Variants in HTR6 observed in about 807,000 individuals in gnomAD.
The protein encoded by HTR6 is 5-hydroxytryptamine (serotonin) receptor 6, G protein-coupled.
A neutral mutation model predicts 17.4 loss-of-function variants in HTR6; 15 were observed. The observed-to-expected ratio is 0.86, with a 90% CI of 0.58 to 1.33. The LOEUF (loss-of-function observed/expected upper bound fraction) is 1.33, where lower values mean the gene tolerates loss of function less well. HTR6 is among the 40% of genes most tolerant of loss of function. HTR6 has a pLI of 0.00. For missense variants in HTR6, 578 were observed against 616.0 expected (o/e 0.94, Z 0.65); for synonymous variants, 326 against 295.5 (o/e 1.10, Z -1.06).
chr1:19,675,867 T>C (rs1264147363), intron 1 of HTR6, among the ~76,000 whole-genome samples: 2 of 152,178 alleles, frequency 1.3e-5, no homozygotes, highest in East Asian at 1.9e-4. Flanking sequence ...AAAAGCCATA[T>C]AGAGTCCACT....
chr1:19,668,749 T>A (rs36070236), intron 1 of HTR6, among the ~76,000 whole-genome samples: 24,066 of 152,196 alleles, frequency 0.16, 2,005 homozygotes, highest in East Asian at 0.22. Flanking sequence ...CTCTTTTATA[T>A]TTTTACTTCC....
intron 1 of HTR6, among the ~76,000 whole-genome samples, chr1:19,672,624 T>C (rs2095089584): frequency 1.3e-5 from 2 of 152,200 alleles, no homozygotes; most frequent in Admixed American, 1.3e-4. Flanking sequence ...CTGGACGATC[T>C]TGGGCAAGGC....
chr1:19,678,885 C>T (rs1393047212), intron 2 of HTR6, 34 bp from the exon 3 acceptor site: 1 of 1,567,316 alleles, frequency 6.4e-7, no homozygotes, highest in East Asian at 2.3e-5. Flanking sequence ...GGTCCCTGCC[C>T]TGGGACCAGG....
chr1:19,673,613 G>T (rs989404220), intron 1 of HTR6, among the ~76,000 whole-genome samples: 1 of 152,160 alleles, frequency 6.6e-6, no homozygotes, highest in Non-Finnish European at 1.5e-5. Context: ...CAGGAGAATC[G>T]CTTGAACCCG....
chr1:19,669,475 G>T (rs1192184197), intron 1 of HTR6, among the ~76,000 whole-genome samples: 8 of 152,188 alleles, frequency 5.3e-5, no homozygotes, highest in Non-Finnish European at 1.2e-4. Flanking sequence ...TTGCACAGTT[G>T]GTAAGTGAGG....
chr1:19,667,550 G>A (rs1344761662), intron 1 of HTR6, among the ~76,000 whole-genome samples: 2 of 152,032 alleles, frequency 1.3e-5, no homozygotes. Context: ...TGAGTAGCTG[G>A]GATTACAGGC....
chr1:19,668,508 C>G (rs1291248618), intron 1 of HTR6, among the ~76,000 whole-genome samples: 2 of 152,214 alleles, frequency 1.3e-5, no homozygotes, highest in Non-Finnish European at 2.9e-5. Flanking sequence ...AAGCTTCAGG[C>G]ATTCAAGAAC....
Position 19,665,881 on chromosome 1 carries a change from C to T in HTR6, c.128C>T (p.Ala43Val), listed in dbSNP as rs142960547. The part of the protein sequence containing the change: ...LCVVIALTAA[A>V]NSLLIALICT... ...GTGGTCATCGCGCTGACGGCGGCGG[C>T]CAACTCGCTGCTGATCGCGCTCATC... Residue 43 changes from alanine to valine, a missense_variant, in exon 1 of 3, where the codon GCC (alanine) becomes GTC (valine). By Grantham distance (64) the Ala-to-Val change is moderately conservative (BLOSUM62 0). Coordinates refer to ENST00000289753, the MANE Select transcript of HTR6 (RefSeq NM_000871.3). The surrounding 1 kb of genome is among the most constrained non-coding windows in gnomAD (Gnocchi z 4.2). The T allele has an allele frequency of 2.7e-5, 43 of 1,607,280 alleles. No homozygotes were observed. The African/African-American group carries it at 4.4e-4, about 16-fold the overall frequency.
rs531916500 is a variant in HTR6, at chr1:19,677,943, T to C, written c.715-624T>C. Among the ~76,000 whole-genome samples, 71 of 152,352 alleles carry C rather than the reference T, an allele frequency of 4.7e-4. 2 individuals are homozygous for C. In the South Asian group the frequency reaches 0.012, roughly 26 times the overall value. ...TTAGTAGAGGCAAGGTTTCACCCTGTTGGCCAGGCTGGTCTCAAACTCCTG... is the reference window on the plus strand; with the variant it reads ...TTAGTAGAGGCAAGGTTTCACCCTGCTGGCCAGGCTGGTCTCAAACTCCTG... On this transcript the variant is annotated intron_variant, in intron 1 of 2. Transcript: ENST00000289753.
At chr1:19,674,885 C>T (rs563526707) in intron 1 of HTR6, among the ~76,000 whole-genome samples, 275 of 152,310 alleles carry the variant, frequency 1.8e-3, no homozygotes, top group African/African-American at 6.1e-3. Context: ...AGGAAGCTGC[C>T]CTCTGACACT....
At position 19,666,020 on chromosome 1, in the gene HTR6, C is replaced by T. The variant is rs1805054; in HGVS notation, c.267C>T (p.Tyr89=). 226,304 of 1,613,676 alleles carry T rather than the reference C, an allele frequency of 0.14. 16,930 individuals are homozygous for T. Among genetic ancestry groups the T allele is most frequent in the East Asian group, 0.26 (11,543 of 44,858 alleles). ...CGCCGGCCATGCTGAACGCGCTGTA[C>T]GGGCGCTGGGTGCTGGCGCGCGGCC... ...VMPPAMLNAL[Y]GRWVLARGLC... Residue 89 remains tyrosine (Y), a synonymous_variant, in exon 1 of 3, where the codon TAC becomes TAT. Coordinates refer to ENST00000289753, the MANE Select transcript of HTR6 (RefSeq NM_000871.3). The surrounding 1 kb of genome is among the most constrained non-coding windows in gnomAD (Gnocchi z 4.5).
chr1:19,676,025 C>T (rs9659997), intron 1 of HTR6, among the ~76,000 whole-genome samples: 84,979 of 151,790 alleles, frequency 0.56, 24,574 homozygotes, highest in Non-Finnish European at 0.64. Context: ...TGAGCCGCAG[C>T]GTGGTGACTC....
rs1049803473 is a variant in HTR6 at position 19,674,107 on chromosome 1, A to G, written c.715-4460A>G. On this transcript the variant is annotated intron_variant, in intron 1 of 2. Transcript: ENST00000289753. The stretch of plus-strand genomic sequence containing the variant: ...GGTCTTGAACTCCTGGACTCAAGCA[A>G]TCCACCTGCCTCGGCCTCCCAAAGT... Among the ~76,000 whole-genome samples, 7 of 152,194 alleles carry G rather than the reference A, an allele frequency of 4.6e-5. No homozygotes were observed. In the East Asian group the frequency reaches 7.7e-4, roughly 17 times the overall value.
rs1361255861 is a variant in HTR6, at chr1:19,666,708, G to T, written c.714+241G>T. The stretch of plus-strand genomic sequence containing the variant: ...CCATGTACAACAGGGAATTTATGGT[G>T]GCCCAACTCTCCCCATCTTTGCCTC... On this transcript the variant is annotated intron_variant, in intron 1 of 2. Transcript: ENST00000289753. This position sits in a 1 kb window ranked among gnomAD's most constrained non-coding sequence, Gnocchi z 4.5. Among the ~76,000 whole-genome samples the T allele has an allele frequency of 2.0e-5, 3 of 151,998 alleles. No individual in the cohort carries two copies. The highest frequency in any genetic ancestry group is 2.9e-5 in the Non-Finnish European group (2 of 67,994).
At chr1:19,673,340 A>G (rs1185823860) in intron 1 of HTR6, among the ~76,000 whole-genome samples, 1 of 152,268 alleles carries the variant, frequency 6.6e-6, no homozygotes, top group African/African-American at 2.4e-5. Context: ...TAACAGAGCC[A>G]GGATTTGAAA....
At chr1:19,678,363 A>T (rs2095096902) in intron 1 of HTR6, among the ~76,000 whole-genome samples, 1 of 151,310 alleles carries the variant, frequency 6.6e-6, no homozygotes, top group African/African-American at 2.4e-5. Context: ...GGCTTGGTTT[A>T]TTGCTGATGT....
At chr1:19,674,882 T>C (rs2095092378) in intron 1 of HTR6, among the ~76,000 whole-genome samples, 1 of 152,198 alleles carries the variant, frequency 6.6e-6, no homozygotes, top group Non-Finnish European at 1.5e-5. Flanking sequence ...TTCAGGAAGC[T>C]GCCCTCTGAC....
chr1:19,676,605 A>G (rs750243187), intron 1 of HTR6, among the ~76,000 whole-genome samples: 48 of 152,306 alleles, frequency 3.2e-4, no homozygotes, highest in Non-Finnish European at 8.8e-5. Context: ...TGGACAAGAC[A>G]CCAACTCTGG....
chr1:19,679,470 T>C lies in HTR6; in HGVS notation c.*102T>C. ...TAAGACCAGGAGGCTGCAAGTCTCC[T>C]AGAAGCCCTCTGAGCTCCAGAGGGG... On this transcript the variant is annotated 3_prime_UTR_variant, in exon 3 of 3. Transcript: ENST00000289753. This position sits in a 1 kb window ranked among gnomAD's most constrained non-coding sequence, Gnocchi z 4.9. The C allele has an allele frequency of 7.0e-7, 1 of 1,430,346 alleles. No homozygotes were observed. The highest frequency in any genetic ancestry group is 9.2e-7 in the Non-Finnish European group (1 of 1,091,938). 88.6% of individuals were successfully genotyped at this position (1,430,346 alleles called of 1,614,324 possible).
Sources: gnomAD v4.1 joint callset for allele counts (sites outside exome capture counted in the v4.1 genomes callset) on GRCh38, gnomAD v4.1.1 for gene constraint, Gnocchi (gnomAD v3.1) non-coding constraint, MANE v1.5 for transcripts, NCBI Gene and HGNC (gene_info 2026-07-23, HGNC 2026-07-21) for gene names.